Variants in PPARGC1A observed in about 807,000 individuals in gnomAD.
PPARGC1A encodes the protein PPARG coactivator 1 alpha.
PPARGC1A carries 25 observed loss-of-function variants against 88.7 expected under a neutral mutation model. The ratio of observed to expected loss-of-function variants is 0.28; its 90% CI spans 0.21 to 0.39. PPARGC1A has a LOEUF of 0.39. PPARGC1A is among the 10% of genes least tolerant of loss of function. The pLI, the probability that PPARGC1A is intolerant of heterozygous loss-of-function variation, is 1.00. For missense variants in PPARGC1A, 880 were observed against 968.7 expected, an observed-to-expected ratio of 0.91 and a Z score of 1.22; for synonymous variants, 363 against 355.6, an observed-to-expected ratio of 1.02 and a Z score of -0.24.
At chr4:24,455,824 G>A in the PPARGC1A span, among the ~76,000 whole-genome samples, 2 of 152,204 alleles carry the variant, frequency 1.3e-5, no homozygotes, top group African/African-American at 4.8e-5. Context: ...CCAAACATCA[G>A]CACCATGCTC....
chr4:23,842,175 C>T (rs574821743), intron 2 of PPARGC1A, among the ~76,000 whole-genome samples: 5 of 152,102 alleles, frequency 3.3e-5, no homozygotes, highest in Non-Finnish European at 5.9e-5. Context: ...GTGGGAGATG[C>T]AAGTTACATG....
At chr4:24,192,888 G>A in the PPARGC1A span, among the ~76,000 whole-genome samples, 2 of 152,052 alleles carry the variant, frequency 1.3e-5, no homozygotes, top group Non-Finnish European at 2.9e-5. Flanking sequence ...TCTGTATTAT[G>A]TTTTCAGACA....
At chr4:24,341,050 C>A in the PPARGC1A span, among the ~76,000 whole-genome samples, 1 of 152,062 alleles carries the variant, frequency 6.6e-6, no homozygotes, top group Non-Finnish European at 1.5e-5. Flanking sequence ...TCATTCTGTG[C>A]AATCCGTGCT....
At chr4:23,872,665 T>C (rs1354734934) in intron 2 of PPARGC1A, among the ~76,000 whole-genome samples, 1 of 152,202 alleles carries the variant, frequency 6.6e-6, no homozygotes, top group African/African-American at 2.4e-5. Context: ...AAAAGGCCTG[T>C]CTTCATCACT....
the PPARGC1A span, among the ~76,000 whole-genome samples, chr4:24,247,161 C>A: frequency 6.6e-6 from 1 of 152,108 alleles, no homozygotes; most frequent in Admixed American, 6.5e-5. Flanking sequence ...AGCTAAAAAT[C>A]ATCAGTTCTC....
At chr4:24,431,983 A>G in the PPARGC1A span, among the ~76,000 whole-genome samples, 1 of 152,356 alleles carries the variant, frequency 6.6e-6, no homozygotes, top group South Asian at 2.1e-4. Flanking sequence ...TTTCAATAAC[A>G]TGTTAGGATA....
chr4:24,362,078 G>C, the PPARGC1A span, among the ~76,000 whole-genome samples: 1 of 152,184 alleles, frequency 6.6e-6, no homozygotes, highest in Non-Finnish European at 1.5e-5. Flanking sequence ...TATTCATTCA[G>C]TGTCGCCATT....
the PPARGC1A span, among the ~76,000 whole-genome samples, chr4:24,259,619 T>A: frequency 6.6e-6 from 1 of 152,194 alleles, no homozygotes; most frequent in Non-Finnish European, 1.5e-5. Flanking sequence ...TTTAGTACAG[T>A]TACATCCTAG....
chr4:23,824,419 A>ACC, intron 6 of PPARGC1A, 44 bp downstream of exon 6: 1 of 1,602,694 alleles, frequency 6.2e-7, no homozygotes, highest in Non-Finnish European at 8.5e-7. Flanking sequence ...ATGTATTAGA[A>ACC]CCCCCTTCCC....
At chr4:24,355,466 G>A in the PPARGC1A span, among the ~76,000 whole-genome samples, 7 of 152,128 alleles carry the variant, frequency 4.6e-5, no homozygotes, top group Non-Finnish European at 1.0e-4. Flanking sequence ...TTCAATTTAT[G>A]CCCTCTCCCC....
the PPARGC1A span, among the ~76,000 whole-genome samples, chr4:24,058,193 T>C: frequency 6.6e-6 from 1 of 152,188 alleles, no homozygotes; most frequent in Non-Finnish European, 1.5e-5. Flanking sequence ...AGCTGACTCT[T>C]GACTGCTTTA....
chr4:23,824,706 AC>A (rs777116938), intron 5 of PPARGC1A, among the ~76,000 whole-genome samples, 198 bp from the exon 6 acceptor site: 2 of 152,110 alleles, frequency 1.3e-5, no homozygotes, highest in Non-Finnish European at 2.9e-5. Context: ...TCAGTAAACT[AC>A]CATTCGAAAA....
At chr4:23,845,513 T>C (rs1728157958) in intron 2 of PPARGC1A, among the ~76,000 whole-genome samples, 1 of 151,966 alleles carries the variant, frequency 6.6e-6, no homozygotes. Context: ...TGAGAGAAAA[T>C]TGTCTCAAGG....
the PPARGC1A span, among the ~76,000 whole-genome samples, chr4:24,218,418 A>G: frequency 6.6e-6 from 1 of 152,230 alleles, no homozygotes; most frequent in African/African-American, 2.4e-5. Context: ...GTTTCTTCAC[A>G]TCTTGAAGGA....
chr4:24,409,412 G>T, the PPARGC1A span, among the ~76,000 whole-genome samples: 8 of 152,268 alleles, frequency 5.3e-5, no homozygotes, highest in African/African-American at 1.9e-4. Context: ...ACATCTCTGG[G>T]TTTCACTGCT....
At chr4:24,362,350 CTGGATGGATGGA>C in the PPARGC1A span, among the ~76,000 whole-genome samples, 226 of 149,066 alleles carry the variant, frequency 1.5e-3, no homozygotes, top group Middle Eastern at 3.4e-3. Flanking sequence ...GAACACATGA[CTGGATGGATGGA>C]TGGATGGATG....
At chr4:23,840,617 T>A (rs1185272050) in intron 2 of PPARGC1A, among the ~76,000 whole-genome samples, 1 of 152,104 alleles carries the variant, frequency 6.6e-6, no homozygotes. Context: ...AACATATGTT[T>A]TAGTGATTTA....
At chr4:24,088,896 C>T in the PPARGC1A span, among the ~76,000 whole-genome samples, 262 of 152,208 alleles carry the variant, frequency 1.7e-3, 1 homozygote, top group African/African-American at 6.0e-3. Context: ...GAACTGAGAC[C>T]CTGAATGGCT....
the PPARGC1A span, among the ~76,000 whole-genome samples, chr4:23,919,667 T>TA: frequency 2.0e-5 from 3 of 151,882 alleles, no homozygotes; most frequent in East Asian, 5.8e-4. Flanking sequence ...CTTCAGCCCT[T>TA]AAAAAAAGTC....
Sources: allele counts gnomAD v4.1 joint callset (sites outside exome capture counted in the v4.1 genomes callset), GRCh38; gene constraint gnomAD v4.1.1; transcripts MANE v1.5; gene names NCBI Gene and HGNC (gene_info 2026-07-23, HGNC 2026-07-21).